TENM2: variants seen among roughly 807,000 people sequenced by gnomAD.
TENM2 encodes the protein teneurin-2.
In TENM2, 52 loss-of-function variants were observed where a neutral mutation model predicts 245.2. The ratio of observed to expected loss-of-function variants is 0.21; its 90% CI spans 0.17 to 0.27. TENM2 has a LOEUF of 0.27. Ranked by LOEUF, TENM2 falls within the 10% of genes least tolerant of loss-of-function variation. The probability of loss-of-function intolerance (pLI) is 1.00; values close to 1 mark genes in which losing one functional copy is unlikely to be tolerated. For missense variants in TENM2, 3,046 were observed against 3,666.8 expected, an observed-to-expected ratio of 0.83 and a Z score of 4.37; for synonymous variants, 1,363 against 1,438.9, an observed-to-expected ratio of 0.95 and a Z score of 1.19.
the TENM2 span, among the ~76,000 whole-genome samples, chr5:167,033,282 G>T: frequency 4.6e-5 from 7 of 152,286 alleles, no homozygotes; most frequent in African/African-American, 1.7e-4. Flanking sequence ...AAAACAATGC[G>T]ATTCACATCA....
chr5:167,069,777 G>A, the TENM2 span, among the ~76,000 whole-genome samples: 1 of 152,098 alleles, frequency 6.6e-6, no homozygotes. Flanking sequence ...AGATAGTTTT[G>A]TAATGATGCT....
intron 2 of TENM2, among the ~76,000 whole-genome samples, chr5:167,561,851 G>A (rs1773610607): frequency 6.6e-6 from 1 of 152,050 alleles, no homozygotes; most frequent in Admixed American, 6.6e-5. Context: ...AATATTTTAA[G>A]TGAGATCAAA....
chr5:167,734,042 G>A (rs1760625804), intron 2 of TENM2, among the ~76,000 whole-genome samples: 1 of 152,176 alleles, frequency 6.6e-6, no homozygotes, highest in African/African-American at 2.4e-5. Context: ...CCTTGCACTT[G>A]CTGCATTGTT....
At chr5:167,080,607 G>T in the TENM2 span, among the ~76,000 whole-genome samples, 2 of 151,766 alleles carry the variant, frequency 1.3e-5, no homozygotes, top group Non-Finnish European at 2.9e-5. Context: ...CTTTCCTCGG[G>T]ATGCTAAAAT....
At chr5:167,591,719 G>A (rs278015) in intron 2 of TENM2, among the ~76,000 whole-genome samples, 8,226 of 152,104 alleles carry the variant, frequency 0.054, 631 homozygotes, top group African/African-American at 0.17. Flanking sequence ...ATCCTGCAGG[G>A]GCTTGTGTAC....
intron 13 of TENM2, among the ~76,000 whole-genome samples, chr5:168,189,969 G>A (rs1343079147): frequency 2.0e-5 from 3 of 152,070 alleles, no homozygotes; most frequent in African/African-American, 4.8e-5. Flanking sequence ...GGAACTGACC[G>A]TGGGTAATTT....
At chr5:166,983,737 T>C in the TENM2 span, among the ~76,000 whole-genome samples, 1 of 151,998 alleles carries the variant, frequency 6.6e-6, no homozygotes, top group Admixed American at 6.6e-5. Context: ...TAACAGTGCA[T>C]TGTTTGGGGG....
intron 3 of TENM2, among the ~76,000 whole-genome samples, chr5:167,895,623 T>C (rs1456748465): frequency 6.6e-6 from 1 of 152,196 alleles, no homozygotes; most frequent in East Asian, 1.9e-4. Flanking sequence ...GCTTATAAAA[T>C]ACAAACTCCT....
At chr5:168,164,831 T>A (rs115800337) in intron 13 of TENM2, among the ~76,000 whole-genome samples, 1,524 of 152,280 alleles carry the variant, frequency 0.01, 17 homozygotes, top group Middle Eastern at 0.031. Context: ...TCATTTGATT[T>A]AACAAAAATG....
At chr5:167,016,099 A>G in the TENM2 span, among the ~76,000 whole-genome samples, 1 of 151,984 alleles carries the variant, frequency 6.6e-6, no homozygotes, top group East Asian at 1.9e-4. Flanking sequence ...CTAAAAATAC[A>G]AAAAATTAGC....
At chr5:168,035,109 G>A (rs769449268) in intron 5 of TENM2, among the ~76,000 whole-genome samples, 97 of 152,288 alleles carry the variant, frequency 6.4e-4, no homozygotes, top group Admixed American at 1.2e-3. Context: ...TCTCATTAAA[G>A]ATTTTTATGT....
chr5:167,099,359 A>G, the TENM2 span, among the ~76,000 whole-genome samples: 56 of 152,292 alleles, frequency 3.7e-4, no homozygotes, highest in South Asian at 3.5e-3. Flanking sequence ...GGCTAATAAG[A>G]ATAATAATTA....
At chr5:167,738,303 G>A (rs930415356) in intron 2 of TENM2, among the ~76,000 whole-genome samples, 1 of 152,190 alleles carries the variant, frequency 6.6e-6, no homozygotes, top group South Asian at 2.1e-4. Context: ...GATGTGTTGA[G>A]CTTGAGCTTA....
chr5:167,222,441 A>T, the TENM2 span, among the ~76,000 whole-genome samples: 1 of 152,334 alleles, frequency 6.6e-6, no homozygotes, highest in African/African-American at 2.4e-5. Flanking sequence ...GCCTTTGCAA[A>T]TTGTGATTTA....
chr5:167,841,061 A>AT (rs34558112), intron 2 of TENM2, among the ~76,000 whole-genome samples: 100,886 of 147,878 alleles, frequency 0.68, 35,122 homozygotes, highest in South Asian at 0.8. Context: ...TGTCATCCTC[A>AT]TTTTTTTTTT....
intron 2 of TENM2, among the ~76,000 whole-genome samples, chr5:167,716,040 C>G (rs1423977182): frequency 6.6e-6 from 1 of 152,180 alleles, no homozygotes; most frequent in Non-Finnish European, 1.5e-5. Context: ...TCCTTGCAGC[C>G]ATTGCACAGA....
At chr5:167,346,087 C>T (rs181944428) in intron 1 of TENM2, among the ~76,000 whole-genome samples, 103 of 152,154 alleles carry the variant, frequency 6.8e-4, no homozygotes, top group African/African-American at 2.4e-3. Flanking sequence ...CCCAAGTCCG[C>T]CAAATAGCAA....
exon 12 of TENM2, chr5:168,126,835 C>T (rs757162646): frequency 1.5e-5 from 24 of 1,612,542 alleles, no homozygotes; most frequent in South Asian, 1.2e-4. Flanking sequence ...ACAGGCGCAG[C>T]GTGTGACCAG....
At chr5:168,145,061 C>T (rs1463814169) in intron 12 of TENM2, among the ~76,000 whole-genome samples, 54 of 151,776 alleles carry the variant, frequency 3.6e-4, no homozygotes, top group Non-Finnish European at 5.0e-4. Context: ...TTTGAGTTCA[C>T]TGTAGATTCT....
Sources: allele counts gnomAD v4.1 joint callset (sites outside exome capture counted in the v4.1 genomes callset), GRCh38; gene constraint gnomAD v4.1.1; transcripts MANE v1.5; gene names NCBI Gene and HGNC (gene_info 2026-07-23, HGNC 2026-07-21).